The following JAM3 variants were observed in gnomAD, a reference collection of about 807,000 sequenced individuals.
The protein encoded by JAM3 is junctional adhesion molecule 3, also known as junctional adhesion molecule C.
In JAM3, 31 loss-of-function variants were observed where a neutral mutation model predicts 39.4. The observed-to-expected ratio is 0.79, with a 90% CI of 0.59 to 1.06. The LOEUF (loss-of-function observed/expected upper bound fraction) is 1.06. Among genes scored for constraint, JAM3 ranks in the 50% least tolerant of loss-of-function variants. JAM3 has a pLI of 0.00. For synonymous variants in JAM3, 182 were observed against 148.7 expected, an observed-to-expected ratio of 1.22 and a Z score of -1.63; for missense variants, 455 against 391.4, an observed-to-expected ratio of 1.16 and a Z score of -1.37.
At chr11:134,127,797 T>A (rs1281979763) in intron 1 of JAM3, among the ~76,000 whole-genome samples, 1 of 152,232 alleles carries the variant, frequency 6.6e-6, no homozygotes, top group African/African-American at 2.4e-5. Flanking sequence ...TGACAACCGC[T>A]GCTCCTAGAA....
intron 1 of JAM3, chr11:134,124,145 G>A: frequency 1.4e-6 from 2 of 1,474,002 alleles, no homozygotes; most frequent in Admixed American, 1.7e-5. Context: ...AATCTAGAAG[G>A]TGGATTCCTT....
intron 1 of JAM3, among the ~76,000 whole-genome samples, chr11:134,120,388 A>C (rs1472705408): frequency 1.3e-5 from 2 of 152,244 alleles, no homozygotes; most frequent in Non-Finnish European, 2.9e-5. Context: ...AGACATGCAT[A>C]AACTAGTTCT....
At chr11:134,130,239 C>T (rs1368283007) in intron 1 of JAM3, among the ~76,000 whole-genome samples, 2 of 152,062 alleles carry the variant, frequency 1.3e-5, no homozygotes, top group Admixed American at 6.5e-5. Flanking sequence ...ATGAGAGCTC[C>T]GTTATCAAAG....
At chr11:134,069,677 G>C (rs915308735) in intron 1 of JAM3, among the ~76,000 whole-genome samples, 50 of 152,188 alleles carry the variant, frequency 3.3e-4, no homozygotes, top group Non-Finnish European at 7.1e-4. Flanking sequence ...TGCGGCGTGG[G>C]CGCTGGAACT....
At chr11:134,087,779 C>T (rs563421542) in intron 1 of JAM3, among the ~76,000 whole-genome samples, 2 of 152,266 alleles carry the variant, frequency 1.3e-5, no homozygotes, top group South Asian at 4.1e-4. Flanking sequence ...AAATACCTAA[C>T]CCTCTTAATT....
Position 134,142,286 on chromosome 11 carries a change from T to C in JAM3, c.256+1516T>C, listed in dbSNP as rs115663892. Among the ~76,000 whole-genome samples the C allele has an allele frequency of 8.7e-3, 1,330 of 152,286 alleles. 20 individuals are homozygous for C. The highest frequency in any genetic ancestry group is 0.03 in the African/African-American group (1,232 of 41,558). On this transcript the variant is annotated intron_variant, in intron 3 of 8. Coordinates refer to ENST00000299106, the MANE Select transcript of JAM3 (RefSeq NM_032801.5). ...TACTTGGCCTCTTTCCTCGCCTCAG[T>C]GCAGGGCTGCACCAGAGGCACCCTG...
chr11:134,078,186 C>T (rs527418214), intron 1 of JAM3, among the ~76,000 whole-genome samples: 2 of 152,130 alleles, frequency 1.3e-5, no homozygotes, highest in African/African-American at 4.8e-5. Context: ...GTGGCATGAT[C>T]TCGGCCCACT....
intron 1 of JAM3, among the ~76,000 whole-genome samples, chr11:134,117,615 T>C (rs1162113785): frequency 6.6e-6 from 1 of 152,220 alleles, no homozygotes; most frequent in Non-Finnish European, 1.5e-5. Context: ...ATTTTTCCTT[T>C]AACATGTTAA....
At chr11:134,130,657 A>G (rs1942752936) in intron 1 of JAM3, among the ~76,000 whole-genome samples, 2 of 152,208 alleles carry the variant, frequency 1.3e-5, no homozygotes, top group Admixed American at 6.5e-5. Context: ...CCAGTAGGAA[A>G]GATTTGTGGT....
chr11:134,147,477 A>AAAC (rs1279100433), intron 6 of JAM3, among the ~76,000 whole-genome samples: 18 of 144,696 alleles, frequency 1.2e-4, no homozygotes, highest in African/African-American at 4.0e-4. Flanking sequence ...AAAAAAAAAA[A>AAAC]ACGATTGCAA....
chr11:134,102,094 A>G (rs1157760096), intron 1 of JAM3, among the ~76,000 whole-genome samples: 4 of 152,176 alleles, frequency 2.6e-5, no homozygotes, highest in Non-Finnish European at 5.9e-5. Context: ...CAGCCACCTT[A>G]CGAAGTAGGC....
At chr11:134,074,074 T>C (rs1941525463) in intron 1 of JAM3, among the ~76,000 whole-genome samples, 2 of 152,202 alleles carry the variant, frequency 1.3e-5, no homozygotes, top group African/African-American at 4.8e-5. Context: ...GAAATGCTTA[T>C]GATATCATTT....
At chr11:134,090,327 A>G (rs963694129) in intron 1 of JAM3, among the ~76,000 whole-genome samples, 2 of 152,124 alleles carry the variant, frequency 1.3e-5, no homozygotes, top group African/African-American at 4.8e-5. Context: ...CCATTTGTCA[A>G]TTTTAGCTTT....
chr11:134,069,346 C>G (rs1191291314), intron 1 of JAM3, among the ~76,000 whole-genome samples, 187 bp downstream of exon 1: 1 of 151,958 alleles, frequency 6.6e-6, no homozygotes, highest in African/African-American at 2.4e-5. Context: ...TCGGGCCTGG[C>G]TAGGGCGGGG....
At position 134,145,939 on chromosome 11, in the gene JAM3, G is replaced by A; in HGVS notation, c.613-7G>A. On this transcript the variant is annotated splice_region_variant and splice_polypyrimidine_tract_variant and intron_variant, in intron 5 of 8. Transcript: ENST00000299106. ...TCCGATTATTTACTTGTCATTCCCTGAAACAGGTGTTCACTGCTGTTCACA... is the reference window on the plus strand; with the variant it reads ...TCCGATTATTTACTTGTCATTCCCTAAAACAGGTGTTCACTGCTGTTCACA... The A allele has an allele frequency of 6.3e-7, 1 of 1,598,496 alleles. No homozygotes were observed. The highest frequency in any genetic ancestry group is 8.6e-7 in the Non-Finnish European group (1 of 1,165,792).
At chr11:134,145,285 A>G (rs1943052019) in intron 5 of JAM3, 1 of 498,360 alleles carries the variant, frequency 2.0e-6, no homozygotes, top group East Asian at 3.8e-5. Flanking sequence ...AAGTCATTAG[A>G]CAATCGGGGA....
chr11:134,095,495 G>A (rs543931378), intron 1 of JAM3, among the ~76,000 whole-genome samples: 2 of 152,068 alleles, frequency 1.3e-5, no homozygotes, highest in Non-Finnish European at 2.9e-5. Flanking sequence ...ACTGGTTGTG[G>A]TGGCACATGC....
chr11:134,138,625 G>A (rs1942917110), intron 1 of JAM3, among the ~76,000 whole-genome samples: 1 of 152,214 alleles, frequency 6.6e-6, no homozygotes, highest in Admixed American at 6.5e-5. Context: ...AGAAGGGGCT[G>A]CACATGCATG....
intron 1 of JAM3, among the ~76,000 whole-genome samples, chr11:134,100,370 A>G (rs1942052776): frequency 6.6e-6 from 1 of 152,194 alleles, no homozygotes; most frequent in South Asian, 2.1e-4. Context: ...GGTGTGATAT[A>G]GGAAAATTAT....
Sources: allele counts gnomAD v4.1 joint callset (sites outside exome capture counted in the v4.1 genomes callset), GRCh38; gene constraint gnomAD v4.1.1; transcripts MANE v1.5; gene names NCBI Gene and HGNC (gene_info 2026-07-23, HGNC 2026-07-21).